Variants in MGAT3 observed in about 807,000 individuals in gnomAD.
The protein encoded by MGAT3 is GlcNAc-T III.
Under a neutral mutation model 29.8 loss-of-function variants are expected in MGAT3, and 9 were observed. The observed-to-expected ratio is 0.30, with a 90% CI of 0.18 to 0.53. The LOEUF (loss-of-function observed/expected upper bound fraction) is 0.53. Among genes scored for constraint, MGAT3 ranks in the 20% least tolerant of loss-of-function variants. MGAT3 has a pLI of 0.96. For missense variants in MGAT3, 557 were observed against 769.5 expected, an observed-to-expected ratio of 0.72 and a Z score of 3.27; for synonymous variants, 397 against 348.9, an observed-to-expected ratio of 1.14 and a Z score of -1.54.
rs1406970697 is a variant in MGAT3 at position 39,486,519 on chromosome 22, G to A, written c.-1-828G>A. Among the ~76,000 whole-genome samples the A allele has an allele frequency of 2.6e-5, 4 of 152,066 alleles. No individual in the cohort carries two copies. In the East Asian group the frequency reaches 7.7e-4, roughly 29 times the overall value. The stretch of plus-strand genomic sequence containing the variant: ...GGAACTTTTATTTTATTTTGTTTTT[G>A]AGATAGGGTCTCAGTCTGTTGTCCA... On this transcript the variant is annotated intron_variant, in intron 1 of 1. Transcript: ENST00000341184.
At chr22:39,479,841 GA>G (rs1469487610) in intron 1 of MGAT3, among the ~76,000 whole-genome samples, 2 of 152,182 alleles carry the variant, frequency 1.3e-5, no homozygotes, top group African/African-American at 4.8e-5. Context: ...AGTGCGGGGT[GA>G]TCTCATTGAG....
At chr22:39,460,836 C>T (rs193064796) in intron 1 of MGAT3, among the ~76,000 whole-genome samples, 1 of 152,132 alleles carries the variant, frequency 6.6e-6, no homozygotes, top group Admixed American at 6.5e-5. Context: ...GGGTGGGGTG[C>T]ACTGTTACTA....
At chr22:39,464,532 TG>T (rs1170698642) in intron 1 of MGAT3, among the ~76,000 whole-genome samples, 2 of 149,386 alleles carry the variant, frequency 1.3e-5, no homozygotes, top group African/African-American at 5.0e-5. Context: ...CTCTGCCTCC[TG>T]GGTTCAAACG....
At chr22:39,484,992 G>A (rs1929230945) in intron 1 of MGAT3, among the ~76,000 whole-genome samples, 1 of 152,036 alleles carries the variant, frequency 6.6e-6, no homozygotes, top group African/African-American at 2.4e-5. Context: ...GACAGAGTGA[G>A]ACCCTGTCTC....
At chr22:39,458,527 G>A (rs1380034171) in intron 1 of MGAT3, among the ~76,000 whole-genome samples, 1 of 152,084 alleles carries the variant, frequency 6.6e-6, no homozygotes, top group East Asian at 1.9e-4. Context: ...CAGACATGGA[G>A]CCCAGCAGAA....
intron 1 of MGAT3, among the ~76,000 whole-genome samples, chr22:39,461,608 C>T (rs745871080): frequency 6.6e-6 from 1 of 152,158 alleles, no homozygotes; most frequent in Non-Finnish European, 1.5e-5. Flanking sequence ...GCTGTTCCCT[C>T]GACTTGAATT....
At chr22:39,459,650 T>A (rs1387443877) in intron 1 of MGAT3, among the ~76,000 whole-genome samples, 2 of 152,256 alleles carry the variant, frequency 1.3e-5, no homozygotes, top group East Asian at 3.9e-4. Context: ...AAGTTTTTAA[T>A]AGAGATGAGG....
In MGAT3 at chr22:39,489,068, G is replaced by T; in HGVS notation, c.*119G>T. The T allele has an allele frequency of 8.7e-7, 1 of 1,147,462 alleles. No individual in the cohort carries two copies. Among genetic ancestry groups the T allele is most frequent in the East Asian group, 2.8e-5 (1 of 35,828 alleles). The allele number at this position is 1,147,462 out of a possible 1,614,324, so 71.1% of individuals were successfully genotyped here. ...GGGGACCAGGAGTGGGTGGGGAGTG[G>T]GGGTGGGGGTAGGGTTTCCCTACTG... On this transcript the variant is annotated 3_prime_UTR_variant, in exon 2 of 2. Transcript: ENST00000341184.
intron 1 of MGAT3, among the ~76,000 whole-genome samples, chr22:39,464,233 T>G (rs545363680): frequency 9.2e-5 from 14 of 152,280 alleles, no homozygotes; most frequent in Non-Finnish European, 2.1e-4. Context: ...TGGGCAAATC[T>G]CTCGTGGTGA....
At chr22:39,467,789 T>G in intron 1 of MGAT3, among the ~76,000 whole-genome samples, 1 of 129,200 alleles carries the variant, frequency 7.7e-6, no homozygotes. Flanking sequence ...TAGAGTGCAA[T>G]GGCAATCTCG....
chr22:39,488,780 G>A lies in MGAT3; in HGVS notation c.1433G>A (p.Ser478Asn). 1 of 1,611,782 alleles carries A rather than the reference G, an allele frequency of 6.2e-7. No individual in the cohort carries two copies. Reference protein sequence around the residue: ...TQQEYPPADPSEHMYAPKYLL... With the variant: ...TQQEYPPADPNEHMYAPKYLL... ...CAGGAGTACCCGCCTGCAGACCCCA[G>A]CGAGCACATGTATGCGCCCAAGTAC... The change falls in exon 2 of 2, where the codon AGC becomes AAC. Residue 478 changes from serine (S) to asparagine (N), a missense_variant. Physicochemically the swap from Ser to Asn is conservative, Grantham distance 46. Coordinates refer to ENST00000341184, the MANE Select transcript of MGAT3 (RefSeq NM_002409.5).
intron 1 of MGAT3, chr22:39,476,558 C>T (rs1030120902): frequency 5.3e-5 from 8 of 152,230 alleles, no homozygotes; most frequent in Admixed American, 5.2e-4. Context: ...CTTCTTCCTT[C>T]TGAGCCTGCT....
At chr22:39,458,940 C>T (rs1486034848) in intron 1 of MGAT3, among the ~76,000 whole-genome samples, 2 of 152,234 alleles carry the variant, frequency 1.3e-5, no homozygotes, top group African/African-American at 2.4e-5. Context: ...GTCCTGAGGA[C>T]GGCAGGGAGC....
At chr22:39,474,570 A>G (rs1034861916) in intron 1 of MGAT3, among the ~76,000 whole-genome samples, 1 of 152,176 alleles carries the variant, frequency 6.6e-6, no homozygotes, top group Non-Finnish European at 1.5e-5. Flanking sequence ...TTCCCTGCAC[A>G]CTGGCCCAGC....
chr22:39,486,926 C>A (rs1012702026), intron 1 of MGAT3, among the ~76,000 whole-genome samples: 1 of 152,198 alleles, frequency 6.6e-6, no homozygotes, highest in African/African-American at 2.4e-5. Context: ...AGGGGAGGGA[C>A]AGGACCCAGG....
chr22:39,467,690 C>A lies in MGAT3; in HGVS notation c.-2+10133C>A, dbSNP rs1449034032. Among the ~76,000 whole-genome samples the A allele has an allele frequency of 2.0e-5, 3 of 150,080 alleles. No individual in the cohort carries two copies. The East Asian group carries it at 5.9e-4, about 29-fold the overall frequency. ...CGTTTCGTTTTGTTTCATTTCGTTT[C>A]TTTTCTTTCAGACAGAGTCTGGATC... On this transcript the variant is annotated intron_variant, in intron 1 of 1. Coordinates refer to ENST00000341184, the MANE Select transcript of MGAT3 (RefSeq NM_002409.5).
chr22:39,465,505 G>A (rs983896502), intron 1 of MGAT3, among the ~76,000 whole-genome samples: 2 of 152,146 alleles, frequency 1.3e-5, no homozygotes, highest in Non-Finnish European at 2.9e-5. Flanking sequence ...ATTGTAGAAC[G>A]CTGCACAAAC....
rs185510305 is a variant in MGAT3 at position 39,461,755 on chromosome 22, G to A, written c.-2+4198G>A. Among the ~76,000 whole-genome samples the A allele has an allele frequency of 2.4e-4, 36 of 152,128 alleles. No individual in the cohort carries two copies. In the East Asian group the frequency reaches 6.0e-3, roughly 25 times the overall value. On this transcript the variant is annotated intron_variant, in intron 1 of 1. Transcript: ENST00000341184. Reference sequence around the variant, plus strand: ...CTTCTGCTCTTCCCCCGATGCTACAGCCCCTCCCATGTACACGTTCCTGCC... The same window carrying A: ...CTTCTGCTCTTCCCCCGATGCTACAACCCCTCCCATGTACACGTTCCTGCC...
At position 39,487,786 on chromosome 22, in the gene MGAT3, C is replaced by T. The variant is rs746413587; in HGVS notation, c.439C>T (p.Arg147Trp). The change falls in exon 2 of 2, where the codon CGG becomes TGG. Residue 147 changes from arginine (R) to tryptophan (W), a missense_variant. Around this residue, in one of 3 missense-constraint regions of MGAT3, gnomAD observed 212 missense variants for 228.5 expected, o/e 0.93. Transcript: ENST00000341184. This position sits in a 1 kb window ranked among gnomAD's most constrained non-coding sequence, Gnocchi z 5.7. Reference protein sequence around the residue: ...PEGANGSSARRPPRYLLSARE... With the variant: ...PEGANGSSARWPPRYLLSARE... ...GGGGGCCAACGGCTCCTCGGCCCGG[C>T]GGCCACCCCGGTACCTCCTGAGCGC... 4.7e-6 allele frequency: 7 copies of T among 1,489,426 alleles called. No individual in the cohort carries two copies. In the Middle Eastern group the frequency reaches 6.1e-4, roughly 129 times the overall value. 92.3% of individuals were successfully genotyped at this position (1,489,426 alleles called of 1,614,324 possible). A position where few individuals can be genotyped will look rare whatever the true frequency, so the allele number is the denominator to read the frequency against.
Sources: gnomAD v4.1 joint callset for allele counts (sites outside exome capture counted in the v4.1 genomes callset) on GRCh38, gnomAD v4.1.1 for gene constraint, gnomAD v4.1.1 regional missense constraint, Gnocchi (gnomAD v3.1) non-coding constraint, MANE v1.5 for transcripts, NCBI Gene and HGNC (gene_info 2026-07-23, HGNC 2026-07-21) for gene names.